Variants in HSPD1 observed in about 807,000 individuals in gnomAD.
The protein encoded by HSPD1 is heat shock protein family D (Hsp60) member 1, also known as 60 kDa heat shock protein, mitochondrial.
In HSPD1, 3 loss-of-function variants were observed where a neutral mutation model predicts 53.0. The ratio of observed to expected loss-of-function variants is 0.06; its 90% confidence interval spans 0.03 to 0.15. HSPD1 has a LOEUF of 0.15. HSPD1 is among the 10% of genes least tolerant of loss of function. The pLI, the probability that HSPD1 is intolerant of heterozygous loss-of-function variation, is 1.00. For missense variants in HSPD1, 431 were observed against 694.1 expected (o/e 0.62, Z 4.26); for synonymous variants, 200 against 228.0 (o/e 0.88, Z 1.10).
chr2:197,498,796 A>G lies in HSPD1; in HGVS notation c.53T>C (p.Leu18Pro). The change falls in exon 2 of 12, where the codon CTG becomes CCG. Residue 18 changes from leucine (L) to proline (P), a missense_variant. Physicochemically the swap from Leu to Pro is moderately conservative, Grantham distance 98 (BLOSUM62 -3). Around this residue, in one of 2 missense-constraint regions of HSPD1, gnomAD observed 45 missense variants for 36.5 expected, o/e 1.23. Coordinates refer to ENST00000388968, the MANE Select transcript of HSPD1 (RefSeq NM_002156.5). ...ATAAGCCCGAGTGAGATGAGGAGCC[A>G]GTACCCTGGACACCGGTCTCATCTG... ...FRQMRPVSRVLAPHLTRAYAK... is the reference protein window; with the variant it reads ...FRQMRPVSRVPAPHLTRAYAK... The G allele has an allele frequency of 3.1e-6, 5 of 1,614,244 alleles. No homozygotes were observed. Among genetic ancestry groups the G allele is most frequent in the Non-Finnish European group, 4.2e-6 (5 of 1,180,038 alleles).
rs2086118971 is a variant in HSPD1 at position 197,493,455 on chromosome 2, C to T, written c.738G>A (p.Leu246=). The T allele has an allele frequency of 6.2e-7, 1 of 1,612,860 alleles. No homozygotes were observed. The highest frequency in any genetic ancestry group is 1.3e-5 in the African/African-American group (1 of 74,894). The change falls in exon 7 of 12, where the codon TTG becomes TTA. Residue 246 remains leucine (L), a synonymous_variant. Coordinates refer to ENST00000388968, the MANE Select transcript of HSPD1 (RefSeq NM_002156.5). ...GGATACTAGAAATTTTCTTTTCACT[C>T]AACAGAACATAGGCATCCTGGAATT... is the stretch of plus-strand genomic sequence containing the variant. The part of the protein sequence containing the change: ...KCEFQDAYVL[L]SEKKISSIQS...
chr2:197,490,708 T>TA (rs1244968377), intron 7 of HSPD1: 1 of 246,028 alleles, frequency 4.1e-6, no homozygotes, highest in African/African-American at 2.3e-5. Context: ...CAGGCACCTG[T>TA]AATCCCCACT....
intron 7 of HSPD1, 57 bp downstream of exon 7, chr2:197,493,267 C>A (rs887787251): frequency 6.8e-7 from 1 of 1,466,460 alleles, no homozygotes; most frequent in African/African-American, 1.4e-5. Context: ...AACAGCAATA[C>A]AAATAATTCT....
At position 197,487,035 on chromosome 2, in the gene HSPD1, T is replaced by C; in HGVS notation, c.*11A>G. ...CAGTTCATTAATAAAGGTAAAGCAC[T>C]AGTCTAGGAGTTAGAACATGCCACC... On this transcript the variant is annotated 3_prime_UTR_variant, in exon 12 of 12. Coordinates refer to ENST00000388968, the MANE Select transcript of HSPD1 (RefSeq NM_002156.5). The C allele has an allele frequency of 8.0e-7, 1 of 1,244,508 alleles. No homozygotes were observed. Among genetic ancestry groups the C allele is most frequent in the Non-Finnish European group, 1.2e-6 (1 of 843,452 alleles). The allele number at this position is 1,244,508 out of a possible 1,614,324, so 77.1% of individuals were successfully genotyped here.
At chr2:197,493,526 A>G in intron 6 of HSPD1, 34 bp from the exon 7 acceptor site, 1 of 1,465,170 alleles carries the variant, frequency 6.8e-7, no homozygotes, top group Non-Finnish European at 9.6e-7. Context: ...AAAATATACA[A>G]AAAATGACTG....
At chr2:197,490,513 C>T in intron 7 of HSPD1, 1 of 561,648 alleles carries the variant, frequency 1.8e-6, no homozygotes. Context: ...TTATACTTGT[C>T]CATATCCGTT....
intron 7 of HSPD1, among the ~76,000 whole-genome samples, chr2:197,492,267 T>C (rs1011974516): frequency 6.6e-6 from 1 of 152,240 alleles, no homozygotes; most frequent in African/African-American, 2.4e-5. Flanking sequence ...CTCGGATCAC[T>C]GCAACTTCCG....
At chr2:197,499,656 TGCGGTGCGGC>T (rs543332085) in intron 1 of HSPD1, 116 bp downstream of exon 1, 5 of 152,184 alleles carry the variant, frequency 3.3e-5, no homozygotes, top group South Asian at 2.1e-4. Context: ...GGCCTGGGCC[TGCGGTGCGGC>T]GCGGTGCGGA....
At chr2:197,493,574 T>C (rs2086120365) in intron 6 of HSPD1, 82 bp from the exon 7 acceptor site, 4 of 1,026,980 alleles carry the variant, frequency 3.9e-6, no homozygotes, top group Admixed American at 3.8e-5. Flanking sequence ...AAGGTTCCAA[T>C]ACACTTTAAA....
intron 7 of HSPD1, among the ~76,000 whole-genome samples, chr2:197,492,379 G>A (rs538694501): frequency 1.3e-5 from 2 of 151,790 alleles, no homozygotes; most frequent in Non-Finnish European, 2.9e-5. Flanking sequence ...TAGTAGAGAC[G>A]GGGTTTCACT....
At position 197,494,765 on chromosome 2, in the gene HSPD1, A is replaced by C. The variant is rs1228729115; in HGVS notation, c.511-13T>G. 1 of 1,567,722 alleles carries C rather than the reference A, an allele frequency of 6.4e-7. No homozygotes were observed. The highest frequency in any genetic ancestry group is 8.8e-7 in the Non-Finnish European group (1 of 1,137,926). On this transcript the variant is annotated splice_polypyrimidine_tract_variant and intron_variant, in intron 4 of 11. Coordinates refer to ENST00000388968, the MANE Select transcript of HSPD1 (RefSeq NM_002156.5). ...AAATCGTAGCAACCTGAAATAATCC[A>C]GTTACTCTTCGAAATTAAAAGGTAA...
At chr2:197,491,002 T>C (rs145065941) in intron 7 of HSPD1, among the ~76,000 whole-genome samples, 14 of 152,260 alleles carry the variant, frequency 9.2e-5, no homozygotes, top group Non-Finnish European at 1.6e-4. Flanking sequence ...TGAGAGCAGA[T>C]TGTGAAACAG....
At chr2:197,488,681 CAACA>C (rs778287811) in intron 9 of HSPD1, among the ~76,000 whole-genome samples, 190 bp from the exon 10 acceptor site, 6 of 152,044 alleles carry the variant, frequency 3.9e-5, no homozygotes, top group Non-Finnish European at 7.4e-5. Context: ...CCAGCCTGAC[CAACA>C]TGGTGAAGCC....
At chr2:197,489,450 G>A (rs533583899) in intron 8 of HSPD1, among the ~76,000 whole-genome samples, 3 of 152,182 alleles carry the variant, frequency 2.0e-5, no homozygotes, top group Non-Finnish European at 4.4e-5. Context: ...CACAACTGTG[G>A]TAATTATTAC....
chr2:197,487,229 C>T, intron 11 of HSPD1, 31 bp from the exon 12 acceptor site: 1 of 1,598,378 alleles, frequency 6.3e-7, no homozygotes, highest in African/African-American at 1.3e-5. Context: ...TTAGTTTTCC[C>T]TTAGTAAAAT....
At chr2:197,500,019 C>A, upstream of HSPD1, 1 of 174,468 alleles carries the variant, frequency 5.7e-6, no homozygotes, top group Non-Finnish European at 1.2e-5. Flanking sequence ...TGTGCTAGCG[C>A]GCTCAGCCCT....
intron 7 of HSPD1, 78 bp from the exon 8 acceptor site, chr2:197,490,374 G>C (rs1385265403): frequency 2.7e-6 from 3 of 1,099,594 alleles, no homozygotes; most frequent in African/African-American, 3.1e-5. Flanking sequence ...GCTGTTACTA[G>C]ATTACTTAGG....
rs748100499 is a variant in HSPD1, at chr2:197,494,191, G to C, written c.666C>G (p.Gly222=). ...EIIEGMKFDR[G]YISPYFINTS... is the part of the protein sequence containing the mutation. ...TATTAATAAAGTATGGAGAAATATA[G>C]CCTCGATCAAACTTCATGCCTTCAA... The change falls in exon 6 of 12, where the codon GGC becomes GGG. Residue 222 remains glycine, a synonymous_variant. Transcript: ENST00000388968. 6.5e-7 allele frequency: 1 copy of C among 1,531,110 alleles called. No homozygotes were observed. Among genetic ancestry groups the C allele is most frequent in the Non-Finnish European group, 9.0e-7 (1 of 1,105,830 alleles). 94.8% of individuals were successfully genotyped at this position (1,531,110 alleles called of 1,614,324 possible).
At position 197,496,010 on chromosome 2, in the gene HSPD1, T is replaced by G. The variant is rs78293030; in HGVS notation, c.428-634A>C. ...CCAATAGGGTCCACGACACTTCTCA[T>G]GTCCATTAGATGATGCAAAAAAGGA... On this transcript the variant is annotated intron_variant, in intron 3 of 11. Coordinates refer to ENST00000388968, the MANE Select transcript of HSPD1 (RefSeq NM_002156.5). Among the ~76,000 whole-genome samples the G allele has an allele frequency of 9.2e-3, 1,406 of 152,312 alleles. 32 individuals carry two copies. The highest frequency in any genetic ancestry group is 0.031 in the African/African-American group (1,295 of 41,572).
Sources: allele counts gnomAD v4.1 joint callset (sites outside exome capture counted in the v4.1 genomes callset), GRCh38; gene constraint gnomAD v4.1.1; regional missense constraint gnomAD v4.1.1; transcripts MANE v1.5; gene names NCBI Gene and HGNC (gene_info 2026-07-23, HGNC 2026-07-21).